FOXP1: variants seen among roughly 807,000 people sequenced by gnomAD.
FOXP1 encodes forkhead box protein P1.
In FOXP1, 15 loss-of-function variants were observed where a neutral mutation model predicts 98.2. The ratio of observed to expected loss-of-function variants is 0.15; its 90% CI spans 0.10 to 0.24. The LOEUF is 0.24. Ranked by LOEUF, FOXP1 falls within the 10% of genes least tolerant of loss-of-function variation. FOXP1 has a pLI of 1.00. For synonymous variants in FOXP1, 371 were observed against 314.5 expected, an observed-to-expected ratio of 1.18 and a Z score of -1.90; for missense variants, 633 against 848.5, an observed-to-expected ratio of 0.75 and a Z score of 3.15.
rs531587936 is a variant in FOXP1, at chr3:71,371,237, T to C, written c.-167-11993A>G. ...GAAGCACTGTGCTTCCACCCTTGTATTGGTGCGTAGCTGCATCTCACCGCC... is the reference window on the plus strand; with the variant it reads ...GAAGCACTGTGCTTCCACCCTTGTACTGGTGCGTAGCTGCATCTCACCGCC... On this transcript the variant is annotated intron_variant, in intron 3 of 20. Coordinates refer to ENST00000649528, the MANE Select transcript of FOXP1 (RefSeq NM_001349338.3). Among the ~76,000 whole-genome samples, 6 of 152,330 alleles carry C rather than the reference T, an allele frequency of 3.9e-5. No individual in the cohort carries two copies. The East Asian group carries it at 1.2e-3, about 29-fold the overall frequency.
chr3:71,232,875 C>T (rs2066415126), intron 5 of FOXP1, among the ~76,000 whole-genome samples: 1 of 6,966 alleles, frequency 1.4e-4, no homozygotes, highest in South Asian at 7.5e-3. Flanking sequence ...AAAACTCTGT[C>T]TCAAAAAAAA....
In FOXP1 at chr3:71,362,074, C is replaced by G. The variant is rs1462696191; in HGVS notation, c.-167-2830G>C. Among the ~76,000 whole-genome samples, 4 of 152,302 alleles carry G rather than the reference C, an allele frequency of 2.6e-5. No individual in the cohort carries two copies. The East Asian group carries it at 7.7e-4, about 29-fold the overall frequency. The stretch of plus-strand genomic sequence containing the variant: ...GTCTGTGGACAAGTCTGACTTTTGA[C>G]TAAGGCCCCTGGATCACAATATGGC... On this transcript the variant is annotated intron_variant, in intron 3 of 20. Transcript: ENST00000649528.
intron 19 of FOXP1, 169 bp from the exon 20 acceptor site, chr3:70,966,225 C>G: frequency 1.5e-6 from 1 of 678,330 alleles, no homozygotes; most frequent in East Asian, 2.8e-5. Flanking sequence ...CGACTCGTGG[C>G]ACCTGTCCCA....
chr3:71,107,111 A>G (rs920871686), intron 7 of FOXP1, among the ~76,000 whole-genome samples: 23 of 152,328 alleles, frequency 1.5e-4, no homozygotes, highest in South Asian at 8.3e-4. Flanking sequence ...AAACCAATCA[A>G]TAGCCATGGA....
At chr3:71,212,554 C>A (rs1046984418) in intron 5 of FOXP1, among the ~76,000 whole-genome samples, 1 of 152,172 alleles carries the variant, frequency 6.6e-6, no homozygotes, top group Admixed American at 6.5e-5. Flanking sequence ...CCCATCCAGG[C>A]CTGCCTTTTC....
intron 5 of FOXP1, among the ~76,000 whole-genome samples, chr3:71,229,448 T>TC (rs1198985788): frequency 2.6e-5 from 4 of 152,128 alleles, no homozygotes; most frequent in Non-Finnish European, 5.9e-5. Flanking sequence ...AGGTAAAAAT[T>TC]CCCCAATGAA....
intron 2 of FOXP1, among the ~76,000 whole-genome samples, chr3:71,505,402 T>C (rs919604575): frequency 2.0e-5 from 3 of 146,408 alleles, no homozygotes; most frequent in Non-Finnish European, 4.5e-5. Context: ...TATTGGACTG[T>C]AGAAGAGGGA....
chr3:71,555,958 G>C (rs1004472477), intron 2 of FOXP1, among the ~76,000 whole-genome samples: 4 of 151,170 alleles, frequency 2.6e-5, no homozygotes, highest in African/African-American at 9.7e-5. Context: ...AGGAAGAAAA[G>C]GAAAAAAAAT....
intron 6 of FOXP1, among the ~76,000 whole-genome samples, chr3:71,171,723 G>C (rs1169793758): frequency 1.3e-5 from 2 of 152,242 alleles, no homozygotes; most frequent in Non-Finnish European, 2.9e-5. Flanking sequence ...TTCAGAGGGA[G>C]ACACAGACTG....
chr3:71,120,674 T>G (rs887980481), intron 6 of FOXP1, among the ~76,000 whole-genome samples: 1 of 152,168 alleles, frequency 6.6e-6, no homozygotes, highest in African/African-American at 2.4e-5. Flanking sequence ...TCATGGGTCA[T>G]GGGCAGTGTC....
chr3:70,976,201 C>T (rs1204402295), intron 17 of FOXP1, among the ~76,000 whole-genome samples: 2 of 151,850 alleles, frequency 1.3e-5, no homozygotes, highest in Non-Finnish European at 2.9e-5. Flanking sequence ...CAGGTGCATG[C>T]CACCATGCCT....
rs1043672759 is a variant in FOXP1 at position 70,957,942 on chromosome 3, G to A, written c.*1305C>T. The A allele has an allele frequency of 8.2e-6, 2 of 243,180 alleles. No individual in the cohort carries two copies. Among genetic ancestry groups the A allele is most frequent in the Middle Eastern group, 1.2e-3 (1 of 826 alleles). 15.1% of individuals were successfully genotyped at this position (243,180 alleles called of 1,614,324 possible). ...GTCTGAACTAATGTATAAACTCAGC[G>A]CCGCCGCCGCCACCCCTACTTTCAG... On this transcript the variant is annotated 3_prime_UTR_variant, in exon 21 of 21. Transcript: ENST00000649528.
At chr3:71,389,261 G>A (rs916086946) in intron 3 of FOXP1, among the ~76,000 whole-genome samples, 19 of 91,716 alleles carry the variant, frequency 2.1e-4, no homozygotes, top group African/African-American at 7.6e-4. Context: ...GGCCGGGGGG[G>A]GCGGGTTATA....
At chr3:71,533,808 A>G (rs73837399) in intron 2 of FOXP1, among the ~76,000 whole-genome samples, 172 of 152,338 alleles carry the variant, frequency 1.1e-3, no homozygotes, top group African/African-American at 4.0e-3. Flanking sequence ...AATCCTCCAG[A>G]GAGCTACAAG....
intron 6 of FOXP1, among the ~76,000 whole-genome samples, chr3:71,121,800 T>C (rs2058795616): frequency 6.6e-6 from 1 of 152,236 alleles, no homozygotes; most frequent in Non-Finnish European, 1.5e-5. Context: ...TGCATCAAAC[T>C]CTTTTTTGCC....
intron 4 of FOXP1, among the ~76,000 whole-genome samples, chr3:71,337,452 G>A (rs72957322): frequency 0.012 from 1,837 of 152,264 alleles, 38 homozygotes; most frequent in African/African-American, 0.041. Context: ...TGATCTGTGC[G>A]CGAGCATGTG....
At chr3:71,248,524 C>T (rs560982186) in intron 5 of FOXP1, among the ~76,000 whole-genome samples, 2 of 152,030 alleles carry the variant, frequency 1.3e-5, no homozygotes, top group Non-Finnish European at 2.9e-5. Context: ...AGGTGGATCA[C>T]GAGCTCAGGA....
At chr3:71,156,144 G>A (rs2060812001) in intron 6 of FOXP1, among the ~76,000 whole-genome samples, 1 of 152,116 alleles carries the variant, frequency 6.6e-6, no homozygotes, top group South Asian at 2.1e-4. Context: ...TGATCTTTCA[G>A]AGCAAAGCAT....
intron 19 of FOXP1, chr3:70,966,368 G>A (rs893293548): frequency 2.4e-5 from 9 of 382,080 alleles, no homozygotes; most frequent in African/African-American, 6.2e-5. Flanking sequence ...TGTCGGATGC[G>A]TTTTTAAGAG....
Sources: allele counts gnomAD v4.1 joint callset (sites outside exome capture counted in the v4.1 genomes callset), GRCh38; gene constraint gnomAD v4.1.1; transcripts MANE v1.5; gene names NCBI Gene and HGNC (gene_info 2026-07-23, HGNC 2026-07-21).